SPTB: variants seen among roughly 807,000 people sequenced by gnomAD.
The protein encoded by SPTB is spectrin beta chain, erythrocytic.
In SPTB, 45 loss-of-function variants were observed where a neutral mutation model predicts 256.2. That is an observed-to-expected ratio of 0.18 (90% CI 0.14 to 0.23). The LOEUF (loss-of-function observed/expected upper bound fraction) is 0.23. Ranked by LOEUF, SPTB falls within the 10% of genes least tolerant of loss-of-function variation. The pLI is 1.00. For missense variants in SPTB, 2,715 were observed against 3,040.4 expected (o/e 0.89, Z 2.52); for synonymous variants, 1,231 against 1,243.1 (o/e 0.99, Z 0.21).
chr14:64,816,435 C>T lies in SPTB; in HGVS notation c.148+6512G>A, dbSNP rs1249733182. 6.6e-6 allele frequency among the ~76,000 whole-genome samples: 1 copy of T among 152,190 alleles called. No individual in the cohort carries two copies. The highest frequency in any genetic ancestry group is 1.5e-5 in the Non-Finnish European group (1 of 68,030). On this transcript the variant is annotated intron_variant, in intron 2 of 35. Coordinates refer to ENST00000644917, the MANE Select transcript of SPTB (RefSeq NM_001355436.2). This position sits in a 1 kb window ranked among gnomAD's most constrained non-coding sequence, Gnocchi z 4.2. ...CTGTGAAGTGGCCCCTGCCTGCCCTCCTATCACCACCACCAACCCTGCACT... is the reference window on the plus strand; with the variant it reads ...CTGTGAAGTGGCCCCTGCCTGCCCTTCTATCACCACCACCAACCCTGCACT...
intron 32 of SPTB, among the ~76,000 whole-genome samples, chr14:64,762,315 C>T (rs539131227): frequency 1.5e-4 from 23 of 152,300 alleles, no homozygotes; most frequent in Admixed American, 7.2e-4. Context: ...CTTGTTCAGG[C>T]GAGAAGAAAC....
chr14:64,793,905 T>TGGGCTTCATTTATGGGC lies in SPTB; in HGVS notation c.1796-55_1796-39dup. ...GGGGGAAGGAGGACAAAGTGGGGGA[T>TGGGCTTCATTTATGGGC]GGGCTTCATTTATGGGCACGCTTCA... On this transcript the variant is annotated intron_variant, in intron 13 of 35. Transcript: ENST00000644917. The surrounding 1 kb of genome is among the most constrained non-coding windows in gnomAD (Gnocchi z 7.0). 2 of 1,570,430 alleles carry TGGGCTTCATTTATGGGC rather than the reference T, an allele frequency of 1.3e-6. No individual in the cohort carries two copies. Among genetic ancestry groups the TGGGCTTCATTTATGGGC allele is most frequent in the Non-Finnish European group, 1.7e-6 (2 of 1,163,706 alleles).
chr14:64,840,594 T>A (rs1282815175), intron 1 of SPTB, among the ~76,000 whole-genome samples: 4 of 152,230 alleles, frequency 2.6e-5, no homozygotes, highest in African/African-American at 9.6e-5. Context: ...CAGAAAGAAC[T>A]ATGAGGCTAT....
At chr14:64,828,999 G>A (rs74056040) in intron 1 of SPTB, among the ~76,000 whole-genome samples, 1,572 of 152,260 alleles carry the variant, frequency 0.01, 29 homozygotes, top group African/African-American at 0.036. Flanking sequence ...ATGGGTTGAT[G>A]GGTGAACTTT....
At chr14:64,800,613 A>T in intron 8 of SPTB, 143 bp downstream of exon 8, 3 of 756,386 alleles carry the variant, frequency 4.0e-6, no homozygotes, top group Admixed American at 2.0e-5. Context: ...GGAGCCATCA[A>T]TGTTGCCAAG....
intron 13 of SPTB, among the ~76,000 whole-genome samples, chr14:64,794,127 A>T (rs2082725234): frequency 6.6e-6 from 1 of 152,202 alleles, no homozygotes; most frequent in Non-Finnish European, 1.5e-5. Context: ...AATTATTTTT[A>T]AATTAATTAA....
Position 64,749,581 on chromosome 14 carries a change from C to A in SPTB, c.6819+73G>T. On this transcript the variant is annotated intron_variant, in intron 35 of 35. Coordinates refer to ENST00000644917, the MANE Select transcript of SPTB (RefSeq NM_001355436.2). The surrounding 1 kb of genome is among the most constrained non-coding windows in gnomAD (Gnocchi z 4.7). ...GGGACTGCCCCTTCTGAGGGGGCCT[C>A]CAGGGCAAGCGGCCTGGGGTCCTCC... The A allele has an allele frequency of 1.9e-6, 3 of 1,608,324 alleles. No homozygotes were observed. Among genetic ancestry groups the A allele is most frequent in the East Asian group, 2.2e-5 (1 of 44,856 alleles).
In SPTB at chr14:64,786,714, A is replaced by G. The variant is rs1301265044; in HGVS notation, c.3251T>C (p.Val1084Ala). ...GGATTCGGGCATGTCCTCAGAGGCC[A>G]CAGCCTTCTGGGTGATGGAGAGCCA... The part of the protein sequence containing the change: ...QAWLSITQKA[V>A]ASEDMPESLP... Residue 1084 changes from valine (V) to alanine (A), a missense_variant, in exon 16 of 36, where the codon GTG becomes GCG. Coordinates refer to ENST00000644917, the MANE Select transcript of SPTB (RefSeq NM_001355436.2). This position sits in a 1 kb window ranked among gnomAD's most constrained non-coding sequence, Gnocchi z 5.6. The G allele has an allele frequency of 4.3e-6, 7 of 1,614,038 alleles. No homozygotes were observed. In the African/African-American group the frequency reaches 9.3e-5, roughly 22 times the overall value.
rs1440367572 is a variant in SPTB at position 64,782,143 on chromosome 14, T to C, written c.4266+147A>G. 6.0e-6 allele frequency: 7 copies of C among 1,170,910 alleles called. No individual in the cohort carries two copies. The African/African-American group carries it at 1.1e-4, about 18-fold the overall frequency. The allele number at this position is 1,170,910 out of a possible 1,614,324, so 72.5% of individuals were successfully genotyped here. The stretch of plus-strand genomic sequence containing the variant: ...TTAAAACCTGGGTGATGTAATAATA[T>C]GTGCAATAAACCCCCATGACATGTG... On this transcript the variant is annotated intron_variant, in intron 20 of 35. Coordinates refer to ENST00000644917, the MANE Select transcript of SPTB (RefSeq NM_001355436.2).
chr14:64,769,452 G>T, intron 28 of SPTB, 138 bp downstream of exon 28: 1 of 1,228,196 alleles, frequency 8.1e-7, no homozygotes, highest in Non-Finnish European at 1.1e-6. Flanking sequence ...CCTGTGTGTA[G>T]CCCCGATCTC....
At position 64,816,993 on chromosome 14, in the gene SPTB, CAG is replaced by C. The variant is rs1168769802; in HGVS notation, c.148+5952_148+5953del. 2.6e-5 allele frequency among the ~76,000 whole-genome samples: 4 copies of C among 152,212 alleles called. No homozygotes were observed. Among genetic ancestry groups the C allele is most frequent in the Non-Finnish European group, 5.9e-5 (4 of 68,032 alleles). On this transcript the variant is annotated intron_variant, in intron 2 of 35. Coordinates refer to ENST00000644917, the MANE Select transcript of SPTB (RefSeq NM_001355436.2). The surrounding 1 kb of genome is among the most constrained non-coding windows in gnomAD (Gnocchi z 4.2). The stretch of plus-strand genomic sequence containing the variant: ...CAGACTGCACTGCCCGGGGAGAGAA[CAG>C]AGTCTTATTATTAACCTCAGTGTAT...
At chr14:64,794,647 A>G in intron 12 of SPTB, 30 bp from the exon 13 acceptor site, 1 of 1,613,916 alleles carries the variant, frequency 6.2e-7, no homozygotes, top group Non-Finnish European at 8.5e-7. Context: ...AAAGGAAATG[A>G]GGAGAAGTGA....
intron 32 of SPTB, among the ~76,000 whole-genome samples, chr14:64,765,978 G>A (rs1013236816): frequency 4.0e-5 from 6 of 151,198 alleles, no homozygotes; most frequent in Admixed American, 6.6e-5. Context: ...GGGGTGTGGT[G>A]TGTGCATGTG....
intron 1 of SPTB, among the ~76,000 whole-genome samples, chr14:64,828,904 G>A (rs1215396293): frequency 1.3e-5 from 2 of 152,162 alleles, no homozygotes; most frequent in Admixed American, 6.5e-5. Flanking sequence ...AGAATAGACT[G>A]GAATAATTTA....
intron 2 of SPTB, among the ~76,000 whole-genome samples, chr14:64,813,293 A>G (rs1002889909): frequency 7.9e-5 from 12 of 152,308 alleles, no homozygotes; most frequent in Admixed American, 5.9e-4. Context: ...GGAAGTCTGC[A>G]TTTTCAGTCG....
Position 64,772,375 on chromosome 14 carries a change from T to C in SPTB, c.5553+205A>G, listed in dbSNP as rs1269274621. 2.0e-5 allele frequency among the ~76,000 whole-genome samples: 3 copies of C among 152,166 alleles called. No individual in the cohort carries two copies. Among genetic ancestry groups the C allele is most frequent in the African/African-American group, 7.2e-5 (3 of 41,436 alleles). On this transcript the variant is annotated intron_variant, in intron 26 of 35. Coordinates refer to ENST00000644917, the MANE Select transcript of SPTB (RefSeq NM_001355436.2). This position sits in a 1 kb window ranked among gnomAD's most constrained non-coding sequence, Gnocchi z 5.4. ...GTATAGTATTGTATGCATTGGCCTTTTGTGAGGATTCAGTTTAAAGAATGA... is the reference window on the plus strand; with the variant it reads ...GTATAGTATTGTATGCATTGGCCTTCTGTGAGGATTCAGTTTAAAGAATGA...
In SPTB at chr14:64,775,475, C is replaced by T; in HGVS notation, c.4564-72G>A. ...GGGGAGGCTGCTTCAGCAGTGGCAG[C>T]ACAGCTCTGACACCCTTGGTCCCTC... On this transcript the variant is annotated intron_variant, in intron 22 of 35. Coordinates refer to ENST00000644917, the MANE Select transcript of SPTB (RefSeq NM_001355436.2). The surrounding 1 kb of genome is among the most constrained non-coding windows in gnomAD (Gnocchi z 5.0). The T allele has an allele frequency of 2.6e-6, 4 of 1,552,188 alleles. No homozygotes were observed. Among genetic ancestry groups the T allele is most frequent in the South Asian group, 1.2e-5 (1 of 81,408 alleles).
In SPTB at chr14:64,747,935, T is replaced by A. The variant is rs947386863; in HGVS notation, c.*1371A>T. ...AATGAGCTTTCTCTTCCTCCAGAAG[T>A]ATGACCTGAGCAGCAAGGGGAAGGC... On this transcript the variant is annotated 3_prime_UTR_variant, in exon 36 of 36. Transcript: ENST00000644917. The A allele has an allele frequency of 2.6e-5, 4 of 152,020 alleles. No homozygotes were observed. Among genetic ancestry groups the A allele is most frequent in the Non-Finnish European group, 5.9e-5 (4 of 68,082 alleles). 9.4% of individuals were successfully genotyped at this position (152,020 alleles called of 1,614,324 possible). A position where few individuals can be genotyped will look rare whatever the true frequency, so the allele number is the denominator to read the frequency against.
chr14:64,751,142 TAGAC>T (rs964351774), intron 33 of SPTB, among the ~76,000 whole-genome samples: 4 of 149,130 alleles, frequency 2.7e-5, no homozygotes, highest in African/African-American at 4.9e-5. Context: ...TACATATTTT[TAGAC>T]AGAGCCTCTG....
Sources: allele counts gnomAD v4.1 joint callset (sites outside exome capture counted in the v4.1 genomes callset), GRCh38; gene constraint gnomAD v4.1.1; non-coding constraint Gnocchi (gnomAD v3.1); transcripts MANE v1.5; gene names NCBI Gene and HGNC (gene_info 2026-07-23, HGNC 2026-07-21).